The following THSD7A variants were observed in gnomAD, a reference collection of about 807,000 sequenced individuals.
THSD7A encodes the protein thrombospondin type 1 domain containing 7A.
A neutral mutation model predicts 231.3 loss-of-function variants in THSD7A; 96 were observed. The ratio of observed to expected loss-of-function variants is 0.41; its 90% CI spans 0.35 to 0.49. THSD7A has a LOEUF of 0.49. THSD7A is among the 20% of genes least tolerant of loss of function. The pLI is 0.05. For synonymous variants in THSD7A, 940 were observed against 743.3 expected (o/e 1.26, Z -4.30); for missense variants, 2,290 against 2,070.2 (o/e 1.11, Z -2.06).
intron 1 of THSD7A, among the ~76,000 whole-genome samples, chr7:11,715,094 C>T (rs1360602868): frequency 6.6e-6 from 1 of 151,376 alleles, no homozygotes; most frequent in East Asian, 2.0e-4. Context: ...ATTGAACATA[C>T]TCATTGTTCA....
chr7:11,411,130 G>A lies in THSD7A; in HGVS notation c.3798+77C>T, dbSNP rs1025003668. 2.5e-5 allele frequency: 27 copies of A among 1,068,496 alleles called. 1 individual carries two copies. In the African/African-American group the frequency reaches 2.6e-4, roughly 10 times the overall value. 66.2% of individuals were successfully genotyped at this position (1,068,496 alleles called of 1,614,324 possible). A position where few individuals can be genotyped will look rare whatever the true frequency, so the allele number is the denominator to read the frequency against. On this transcript the variant is annotated intron_variant, in intron 19 of 27. Transcript: ENST00000423059. This position sits in a 1 kb window ranked among gnomAD's most constrained non-coding sequence, Gnocchi z 4.1. Reference sequence around the variant, plus strand: ...GCTGGCAATGAGCTGCATGGAGCACGGGTCACTTGGCTCAGCATGAATTGA... The same window carrying A: ...GCTGGCAATGAGCTGCATGGAGCACAGGTCACTTGGCTCAGCATGAATTGA...
chr7:11,405,192 G>A (rs1783542602), intron 22 of THSD7A, among the ~76,000 whole-genome samples: 2 of 148,312 alleles, frequency 1.3e-5, no homozygotes, highest in South Asian at 2.1e-4. Context: ...AACTCGATGA[G>A]TGAATAAATA....
chr7:11,467,055 C>T (rs1785738250), intron 9 of THSD7A, among the ~76,000 whole-genome samples: 1 of 152,090 alleles, frequency 6.6e-6, no homozygotes, highest in South Asian at 2.1e-4. Flanking sequence ...TACCGCTGCG[C>T]CCACTGGAAC....
At chr7:11,752,499 A>G (rs541999520) in intron 1 of THSD7A, among the ~76,000 whole-genome samples, 7 of 152,204 alleles carry the variant, frequency 4.6e-5, no homozygotes, top group Admixed American at 2.6e-4. Flanking sequence ...CATTTAGGGA[A>G]GAATCCACTG....
intron 1 of THSD7A, among the ~76,000 whole-genome samples, chr7:11,686,007 A>G (rs1004723183): frequency 2.6e-5 from 4 of 151,960 alleles, no homozygotes; most frequent in Non-Finnish European, 4.4e-5. Flanking sequence ...GAAAATGTAC[A>G]TATACACCAT....
Position 11,401,822 on chromosome 7 carries a change from G to T in THSD7A, c.4384C>A (p.Gln1462Lys). The T allele has an allele frequency of 6.2e-7, 1 of 1,613,532 alleles. No individual in the cohort carries two copies. The highest frequency in any genetic ancestry group is 1.1e-5 in the South Asian group (1 of 91,018). Residue 1462 changes from glutamine to lysine, a missense_variant, in exon 23 of 28, where the codon CAG becomes AAG. Transcript: ENST00000423059. ...ELENQHLCPEQMLETKSCYDG... is the reference protein window; with the variant it reads ...ELENQHLCPEKMLETKSCYDG... ...TAACATGATTTTGTTTCTAACATCT[G>T]CTCTGGGCACAGATGCTGATTCTCT...
chr7:11,518,961 T>G (rs532698466), intron 6 of THSD7A, among the ~76,000 whole-genome samples: 1 of 152,210 alleles, frequency 6.6e-6, no homozygotes, highest in Non-Finnish European at 1.5e-5. Flanking sequence ...TTTACCAAAT[T>G]TGAATATGAA....
intron 1 of THSD7A, among the ~76,000 whole-genome samples, chr7:11,728,252 C>G (rs1015858380): frequency 1.6e-4 from 24 of 151,960 alleles, no homozygotes; most frequent in African/African-American, 5.8e-4. Context: ...AAATCTCACT[C>G]AGTTCATTTG....
At chr7:11,819,215 C>G (rs1337506135) in intron 1 of THSD7A, among the ~76,000 whole-genome samples, 4 of 152,160 alleles carry the variant, frequency 2.6e-5, no homozygotes, top group African/African-American at 9.7e-5. Context: ...TAGGAACTCT[C>G]ATTCACTGCT....
At chr7:11,726,580 T>C (rs1437653625) in intron 1 of THSD7A, among the ~76,000 whole-genome samples, 1 of 152,006 alleles carries the variant, frequency 6.6e-6, no homozygotes, top group Non-Finnish European at 1.5e-5. Flanking sequence ...CCTTTCCCCT[T>C]TTGCATTAAC....
chr7:11,762,450 C>G (rs968363715), intron 1 of THSD7A, among the ~76,000 whole-genome samples: 5 of 152,008 alleles, frequency 3.3e-5, no homozygotes, highest in African/African-American at 1.2e-4. Flanking sequence ...GAGATGGTAT[C>G]TTATGGCTTT....
At chr7:11,794,549 C>A (rs1334394790) in intron 1 of THSD7A, among the ~76,000 whole-genome samples, 3 of 151,896 alleles carry the variant, frequency 2.0e-5, no homozygotes, top group Admixed American at 2.0e-4. Flanking sequence ...GGATTTAATT[C>A]AGGTCAATCT....
At chr7:11,587,955 T>C (rs900754938) in intron 4 of THSD7A, among the ~76,000 whole-genome samples, 1 of 152,194 alleles carries the variant, frequency 6.6e-6, no homozygotes, top group Non-Finnish European at 1.5e-5. Context: ...ACAAGTCATC[T>C]AGAGAACACA....
chr7:11,650,253 G>A (rs764727500), intron 1 of THSD7A, among the ~76,000 whole-genome samples: 5 of 151,796 alleles, frequency 3.3e-5, no homozygotes, highest in Admixed American at 2.6e-4. Flanking sequence ...CTTTTTTTCA[G>A]GGAAAATACA....
At chr7:11,693,625 T>C (rs749248292) in intron 1 of THSD7A, among the ~76,000 whole-genome samples, 1 of 151,500 alleles carries the variant, frequency 6.6e-6, no homozygotes, top group African/African-American at 2.4e-5. Context: ...GGGCTTCGTG[T>C]CAGATAATTC....
chr7:11,691,221 A>C (rs1780220746), intron 1 of THSD7A, among the ~76,000 whole-genome samples: 1 of 151,614 alleles, frequency 6.6e-6, no homozygotes. Flanking sequence ...AATGATGAAC[A>C]AAAAGATTCT....
intron 2 of THSD7A, among the ~76,000 whole-genome samples, chr7:11,630,878 G>A (rs1781624426): frequency 6.6e-6 from 1 of 152,234 alleles, no homozygotes; most frequent in South Asian, 2.1e-4. Flanking sequence ...GCTGCATCAG[G>A]TAGAGCATTC....
chr7:11,735,494 G>C (rs1434693084), intron 1 of THSD7A, among the ~76,000 whole-genome samples: 2 of 151,954 alleles, frequency 1.3e-5, no homozygotes, highest in Non-Finnish European at 2.9e-5. Context: ...TGTGTAAGGT[G>C]TATATGAAAC....
At chr7:11,551,537 T>C (rs1344874200) in intron 4 of THSD7A, among the ~76,000 whole-genome samples, 1 of 151,854 alleles carries the variant, frequency 6.6e-6, no homozygotes, top group Admixed American at 6.6e-5. Context: ...CAAACTATAA[T>C]ACATGAATAG....
Sources: gnomAD v4.1 joint callset for allele counts (sites outside exome capture counted in the v4.1 genomes callset) on GRCh38, gnomAD v4.1.1 for gene constraint, Gnocchi (gnomAD v3.1) non-coding constraint, MANE v1.5 for transcripts, NCBI Gene and HGNC (gene_info 2026-07-23, HGNC 2026-07-21) for gene names.